The following PACC1 variants were observed in gnomAD, a reference collection of about 807,000 sequenced individuals.
The protein encoded by PACC1 is proton-activated chloride channel.
PACC1 carries 34 observed loss-of-function variants against 39.7 expected under a neutral mutation model. That is an observed-to-expected ratio of 0.86 (90% CI 0.65 to 1.14). The LOEUF (loss-of-function observed/expected upper bound fraction) is 1.14, where lower values mean the gene tolerates loss of function less well. Among genes scored for constraint, PACC1 ranks in the 50% most tolerant of loss-of-function variants. PACC1 has a pLI of 0.00. For synonymous variants in PACC1, 127 were observed against 160.6 expected (o/e 0.79, Z 1.58); for missense variants, 379 against 436.4 (o/e 0.87, Z 1.17).
chr1:212,368,779 T>G (rs910202081), intron 7 of PACC1, among the ~76,000 whole-genome samples: 17 of 152,056 alleles, frequency 1.1e-4, no homozygotes, highest in Non-Finnish European at 2.5e-4. Context: ...ATGCCTGTAA[T>G]CCCAGCACTT....
At position 212,368,900 on chromosome 1, in the gene PACC1, C is replaced by T. The variant is rs1333751507; in HGVS notation, c.892-3524G>A. ...ACAAAAAATTAGCCGGGCGTGGTGGCGGGTGCCTGCAGTCCCAGCTACTCG... is the reference window on the plus strand; with the variant it reads ...ACAAAAAATTAGCCGGGCGTGGTGGTGGGTGCCTGCAGTCCCAGCTACTCG... On this transcript the variant is annotated intron_variant, in intron 7 of 7. Transcript: ENST00000261455. Among the ~76,000 whole-genome samples, 9 of 151,606 alleles carry T rather than the reference C, an allele frequency of 5.9e-5. No homozygotes were observed. The South Asian group carries it at 1.0e-3, about 18-fold the overall frequency.
At chr1:212,396,796 ATATCTATC>A (rs56926217) in intron 2 of PACC1, among the ~76,000 whole-genome samples, 65,221 of 146,476 alleles carry the variant, frequency 0.45, 14,751 homozygotes, top group Admixed American at 0.52. Flanking sequence ...AGGGAAAAAA[ATATCTATC>A]TATCTATCTA....
chr1:212,383,984 G>A (rs1394590155), intron 4 of PACC1, among the ~76,000 whole-genome samples: 2 of 152,170 alleles, frequency 1.3e-5, no homozygotes, highest in Non-Finnish European at 2.9e-5. Context: ...CCAACAGGCA[G>A]TCCAGTAATG....
intron 2 of PACC1, among the ~76,000 whole-genome samples, chr1:212,399,865 A>G (rs1247158899): frequency 6.7e-6 from 1 of 149,980 alleles, no homozygotes; most frequent in African/African-American, 2.5e-5. Context: ...TTTTTTTGAG[A>G]CGGAGTTTCA....
Position 212,377,669 on chromosome 1 carries a change from C to T in PACC1, c.676G>A (p.Ala226Thr), listed in dbSNP as rs1571637757. 1.2e-6 allele frequency: 2 copies of T among 1,614,164 alleles called. No individual in the cohort carries two copies. The highest frequency in any genetic ancestry group is 1.7e-6 in the Non-Finnish European group (2 of 1,180,018). Residue 226 changes from alanine (A) to threonine (T), a missense_variant, in exon 6 of 8, where the codon GCC (alanine) becomes ACC (threonine). Transcript: ENST00000261455. The part of the protein sequence containing the change: ...RVGFMQACES[A>T]YSSWKFSGGF... ...CCAGAGAACTTCCAGCTGGAATAGG[C>T]ACTCTCACAGGCCTGCATGAAGCCT... is the stretch of plus-strand genomic sequence containing the variant.
At chr1:212,408,086 A>G (rs1351485607) in intron 2 of PACC1, among the ~76,000 whole-genome samples, 1 of 151,638 alleles carries the variant, frequency 6.6e-6, no homozygotes. Context: ...AAAAAAAAAA[A>G]AAAAGAAAAC....
At chr1:212,411,513 G>A (rs776497756) in intron 1 of PACC1, among the ~76,000 whole-genome samples, 8 of 152,072 alleles carry the variant, frequency 5.3e-5, no homozygotes, top group Non-Finnish European at 1.5e-5. Context: ...CACTGAGAAG[G>A]GAAGAAGGAC....
intron 2 of PACC1, among the ~76,000 whole-genome samples, chr1:212,397,684 T>C (rs1483715585): frequency 6.6e-6 from 1 of 152,094 alleles, no homozygotes; most frequent in Non-Finnish European, 1.5e-5. Context: ...TTCAGAAACA[T>C]ATAAGGATAT....
intron 2 of PACC1, among the ~76,000 whole-genome samples, chr1:212,396,856 T>C (rs1348281583): frequency 6.6e-6 from 1 of 150,888 alleles, no homozygotes; most frequent in African/African-American, 2.4e-5. Flanking sequence ...ATCTATTACA[T>C]ATAGAGCACT....
At chr1:212,388,605 G>C (rs1177529331) in intron 2 of PACC1, among the ~76,000 whole-genome samples, 1 of 152,140 alleles carries the variant, frequency 6.6e-6, no homozygotes, top group African/African-American at 2.4e-5. Flanking sequence ...CATGCACACA[G>C]GAAAAAAGGC....
intron 2 of PACC1, among the ~76,000 whole-genome samples, chr1:212,393,303 C>T (rs922541627): frequency 6.6e-6 from 1 of 152,214 alleles, no homozygotes; most frequent in Admixed American, 6.5e-5. Context: ...CCCTCAACTA[C>T]ATGGAAACTG....
At chr1:212,391,025 G>A (rs905617854) in intron 2 of PACC1, among the ~76,000 whole-genome samples, 1 of 152,248 alleles carries the variant, frequency 6.6e-6, no homozygotes, top group African/African-American at 2.4e-5. Flanking sequence ...GCAGGGCATA[G>A]CCGAACAAAA....
At chr1:212,381,018 C>T (rs1288539230) in intron 4 of PACC1, among the ~76,000 whole-genome samples, 2 of 152,206 alleles carry the variant, frequency 1.3e-5, no homozygotes, top group African/African-American at 4.8e-5. Context: ...AGTACACTGT[C>T]AGTTACAAAG....
In PACC1 at chr1:212,390,876, C is replaced by T. The variant is rs61828746; in HGVS notation, c.134-3776G>A. The stretch of plus-strand genomic sequence containing the variant: ...AGCAGTCTGAGATCCAACTGCAAGG[C>T]GGCAGTGAGGCTGGGGGAGGGGCAC... On this transcript the variant is annotated intron_variant, in intron 2 of 7. Coordinates refer to ENST00000261455, the MANE Select transcript of PACC1 (RefSeq NM_018252.3). Among the ~76,000 whole-genome samples, 794 of 152,282 alleles carry T rather than the reference C, an allele frequency of 5.2e-3. 6 individuals carry two copies. Among genetic ancestry groups the T allele is most frequent in the Non-Finnish European group, 9.0e-3 (615 of 68,012 alleles).
Position 212,365,205 on chromosome 1 carries a change from C to T in PACC1, c.*10G>A, listed in dbSNP as rs751282505. On this transcript the variant is annotated 3_prime_UTR_variant, in exon 8 of 8. Transcript: ENST00000261455. ...GATGTGGACAGTTCTCTAAACAACG[C>T]GAGGTGACTTCAGCTTATGTGGCTC... 15 of 1,611,262 alleles carry T rather than the reference C, an allele frequency of 9.3e-6. No individual in the cohort carries two copies. Among genetic ancestry groups the T allele is most frequent in the African/African-American group, 2.7e-5 (2 of 74,718 alleles).
chr1:212,389,520 C>A (rs1661229495), intron 2 of PACC1, among the ~76,000 whole-genome samples: 1 of 152,074 alleles, frequency 6.6e-6, no homozygotes, highest in African/African-American at 2.4e-5. Context: ...AGTGTTCAAT[C>A]AAAAATCACT....
At chr1:212,393,595 A>G (rs1661405723) in intron 2 of PACC1, among the ~76,000 whole-genome samples, 1 of 152,238 alleles carries the variant, frequency 6.6e-6, no homozygotes, top group Non-Finnish European at 1.5e-5. Flanking sequence ...TCAGAGCAGA[A>G]CTGAAGGAGA....
rs79169750 is a variant in PACC1 at position 212,398,126 on chromosome 1, T to C, written c.134-11026A>G. ...AATTACTGGTACCAAAGAAACAGAA[T>C]GTACCCTCTACCCTTCAAAAAATGA... On this transcript the variant is annotated intron_variant, in intron 2 of 7. Coordinates refer to ENST00000261455, the MANE Select transcript of PACC1 (RefSeq NM_018252.3). Among the ~76,000 whole-genome samples, 411 of 152,308 alleles carry C rather than the reference T, an allele frequency of 2.7e-3. 2 individuals carry two copies. Among genetic ancestry groups the C allele is most frequent in the African/African-American group, 9.0e-3 (375 of 41,564 alleles).
chr1:212,413,922 T>C (rs576723759), intron 1 of PACC1: 8 of 1,534,784 alleles, frequency 5.2e-6, no homozygotes, highest in East Asian at 2.4e-5. Context: ...CTTTGGCCAA[T>C]GAGGCGGCAC....
Sources: allele counts gnomAD v4.1 joint callset (sites outside exome capture counted in the v4.1 genomes callset), GRCh38; gene constraint gnomAD v4.1.1; transcripts MANE v1.5; gene names NCBI Gene and HGNC (gene_info 2026-07-23, HGNC 2026-07-21).